SRGAP2B: variants seen among roughly 807,000 people sequenced by gnomAD.
SRGAP2B encodes SLIT-ROBO Rho GTPase activating protein 2B.
A neutral mutation model predicts 22.2 loss-of-function variants in SRGAP2B; 9 were observed. The observed-to-expected ratio is 0.41, with a 90% CI of 0.24 to 0.71. The LOEUF is 0.71. Ranked by LOEUF, SRGAP2B falls within the 30% of genes least tolerant of loss-of-function variation. The pLI, the probability that SRGAP2B is intolerant of heterozygous loss-of-function variation, is 0.35. For missense variants in SRGAP2B, 114 were observed against 235.8 expected (o/e 0.48, Z 3.38); for synonymous variants, 36 against 87.4 (o/e 0.41, Z 3.28).
At chr1:145,020,537 T>C (rs1385168472) in intron 2 of SRGAP2B, among the ~76,000 whole-genome samples, 1 of 147,700 alleles carries the variant, frequency 6.8e-6, no homozygotes, top group Non-Finnish European at 1.5e-5. Flanking sequence ...ACTGTACTTA[T>C]TACCTTCTAA....
intron 4 of SRGAP2B, among the ~76,000 whole-genome samples, chr1:144,939,423 T>C (rs1445898444): frequency 3.9e-4 from 59 of 150,124 alleles, no homozygotes; most frequent in African/African-American, 1.1e-3. Context: ...CTGTTTTTTT[T>C]CCAAGATCCT....
chr1:144,917,432 T>A (rs1663936061), intron 4 of SRGAP2B: 1 of 113,048 alleles, frequency 8.8e-6, no homozygotes, highest in Non-Finnish European at 1.7e-5. Context: ...TGCCAGCCTA[T>A]CGTTTCTTAA....
At chr1:144,957,183 T>G (rs1553610492) in intron 3 of SRGAP2B, among the ~76,000 whole-genome samples, 3 of 150,992 alleles carry the variant, frequency 2.0e-5, no homozygotes, top group Non-Finnish European at 4.4e-5. Flanking sequence ...AGACTCCTAC[T>G]ACAAGGAAAG....
intron 2 of SRGAP2B, among the ~76,000 whole-genome samples, chr1:145,015,662 A>G (rs1183699820): frequency 6.7e-6 from 1 of 149,068 alleles, no homozygotes; most frequent in Non-Finnish European, 1.5e-5. Flanking sequence ...AGAAGGCAGG[A>G]AAAGTACTCC....
At position 145,093,676 on chromosome 1, in the gene SRGAP2B, G is replaced by C. The variant is rs1470786741; in HGVS notation, c.-542-233C>G. On this transcript the variant is annotated intron_variant, in intron 1 of 9. Transcript: ENST00000612199. Reference sequence around the variant, plus strand: ...GCAGCCGCCTGCGCGGGCTCCGGGCGGGAACTGCAGGAACGCGGGGCACCG... The same window carrying C: ...GCAGCCGCCTGCGCGGGCTCCGGGCCGGAACTGCAGGAACGCGGGGCACCG... Among the ~76,000 whole-genome samples, 18 of 146,504 alleles carry C rather than the reference G, an allele frequency of 1.2e-4. 1 individual carries two copies. The highest frequency in any genetic ancestry group is 2.1e-4 in the South Asian group (1 of 4,752).
At chr1:144,948,903 G>A (rs1666658461) in intron 4 of SRGAP2B, among the ~76,000 whole-genome samples, 1 of 118,636 alleles carries the variant, frequency 8.4e-6, no homozygotes, top group African/African-American at 3.7e-5. Flanking sequence ...GTTAGAATAT[G>A]GACCTCTTTT....
At chr1:145,020,305 G>A (rs1384794106) in intron 2 of SRGAP2B, among the ~76,000 whole-genome samples, 2 of 131,338 alleles carry the variant, frequency 1.5e-5, no homozygotes, top group East Asian at 4.2e-4. Context: ...ATGTGACTGT[G>A]GTCCCAAGTA....
In SRGAP2B at chr1:145,069,888, C is replaced by T. The variant is rs1464472405; in HGVS notation, c.67+22947G>A. Reference sequence around the variant, plus strand: ...AAGTACAACGGTTGACACTAAAGATCGCCTATTTGAAGTAAAACTGGTTTT... The same window carrying T: ...AAGTACAACGGTTGACACTAAAGATTGCCTATTTGAAGTAAAACTGGTTTT... On this transcript the variant is annotated intron_variant, in intron 2 of 9. Transcript: ENST00000612199. Among the ~76,000 whole-genome samples, 9 of 148,774 alleles carry T rather than the reference C, an allele frequency of 6.0e-5. 1 individual carries two copies. Among genetic ancestry groups the T allele is most frequent in the Non-Finnish European group, 1.0e-4 (7 of 67,554 alleles).
intron 4 of SRGAP2B, among the ~76,000 whole-genome samples, chr1:144,932,421 G>C (rs1553344263): frequency 1.3e-5 from 2 of 151,120 alleles, no homozygotes; most frequent in Non-Finnish European, 2.9e-5. Flanking sequence ...GGGTGGACTC[G>C]TCAGTTCCGC....
At chr1:144,971,367 G>A (rs1553613225) in intron 3 of SRGAP2B, among the ~76,000 whole-genome samples, 1 of 149,984 alleles carries the variant, frequency 6.7e-6, no homozygotes, top group South Asian at 2.1e-4. Context: ...CTGACCTCAG[G>A]TGATCTGTCC....
rs1409190298 is a variant in SRGAP2B at position 144,994,912 on chromosome 1, CT to C, written c.260+95del. On this transcript the variant is annotated intron_variant, in intron 3 of 9. Transcript: ENST00000612199. ...TCAACCAATCTGAAGCCAGGGGCTCCTGAATTCAGCTGGATCTAAGTGGCAT... is the reference window on the plus strand; with the variant it reads ...TCAACCAATCTGAAGCCAGGGGCTCCGAATTCAGCTGGATCTAAGTGGCAT... 12 of 615,130 alleles carry C rather than the reference CT, an allele frequency of 2.0e-5. 1 individual carries two copies. The African/African-American group carries it at 2.2e-4, about 11-fold the overall frequency. The allele number at this position is 615,130 out of a possible 1,614,324, so 38.1% of individuals were successfully genotyped here. A position where few individuals can be genotyped will look rare whatever the true frequency, so the allele number is the denominator to read the frequency against.
At position 144,931,437 on chromosome 1, in the gene SRGAP2B, G is replaced by A. The variant is rs1286317625; in HGVS notation, c.424-16683C>T. Among the ~76,000 whole-genome samples the A allele has an allele frequency of 2.0e-5, 3 of 150,782 alleles. No homozygotes were observed. In the East Asian group the frequency reaches 5.8e-4, roughly 29 times the overall value. ...ACAGAGCGAAGATAGGGGGAAGAAAGGCCATAAATTTTCACAGCAAGAAAG... is the reference window on the plus strand; with the variant it reads ...ACAGAGCGAAGATAGGGGGAAGAAAAGCCATAAATTTTCACAGCAAGAAAG... On this transcript the variant is annotated intron_variant, in intron 4 of 9. Transcript: ENST00000612199.
chr1:145,011,718 C>CCTTTTG (rs1672067453), intron 2 of SRGAP2B, among the ~76,000 whole-genome samples: 1 of 147,914 alleles, frequency 6.8e-6, no homozygotes, highest in Non-Finnish European at 1.5e-5. Flanking sequence ...ATCCCTTCCA[C>CCTTTTG]CTTTTGAACA....
chr1:144,944,505 T>C (rs1553608035), intron 4 of SRGAP2B, among the ~76,000 whole-genome samples: 4 of 137,660 alleles, frequency 2.9e-5, no homozygotes. Flanking sequence ...GAGGATCACT[T>C]GAGCCCAGGA....
chr1:145,085,012 G>C (rs1198559663), intron 2 of SRGAP2B, among the ~76,000 whole-genome samples: 1 of 150,540 alleles, frequency 6.6e-6, no homozygotes, highest in Non-Finnish European at 1.5e-5. Context: ...GCATGATCTC[G>C]GCTCACTGCA....
intron 2 of SRGAP2B, among the ~76,000 whole-genome samples, chr1:145,023,196 A>T (rs1647352920): frequency 7.2e-6 from 1 of 139,544 alleles, no homozygotes; most frequent in Non-Finnish European, 1.6e-5. Flanking sequence ...AATTTAAAAA[A>T]TTAAAAAGAA....
intron 4 of SRGAP2B, among the ~76,000 whole-genome samples, chr1:144,941,013 G>C (rs1266632216): frequency 6.7e-6 from 1 of 149,622 alleles, no homozygotes; most frequent in Non-Finnish European, 1.5e-5. Flanking sequence ...TAAAAAAAAT[G>C]TGTATAAAAA....
chr1:144,922,858 C>T lies in SRGAP2B; in HGVS notation c.424-8104G>A, dbSNP rs183836733. Among the ~76,000 whole-genome samples the T allele has an allele frequency of 6.7e-4, 101 of 150,982 alleles. 2 individuals are homozygous for T. The highest frequency in any genetic ancestry group is 1.4e-3 in the Admixed American group (22 of 15,214). On this transcript the variant is annotated intron_variant, in intron 4 of 9. Coordinates refer to ENST00000612199, the Ensembl canonical transcript of SRGAP2B. Reference sequence around the variant, plus strand: ...TGGCTTTCTGAAAGCCATTTCCTTACGGCTTTTCTAGAAGCTCTGGAATGT... The same window carrying T: ...TGGCTTTCTGAAAGCCATTTCCTTATGGCTTTTCTAGAAGCTCTGGAATGT...
chr1:144,904,677 G>C (rs1205910811), intron 7 of SRGAP2B, among the ~76,000 whole-genome samples: 2 of 65,596 alleles, frequency 3.0e-5, no homozygotes, highest in Non-Finnish European at 5.1e-5. Context: ...CCAGCCTGGG[G>C]GACAAAGCAA....
Sources: gnomAD v4.1 joint callset for allele counts (sites outside exome capture counted in the v4.1 genomes callset) on GRCh38, gnomAD v4.1.1 for gene constraint, MANE v1.5 for transcripts, NCBI Gene and HGNC (gene_info 2026-07-23, HGNC 2026-07-21) for gene names.